The following KIF16B variants were observed in gnomAD, a reference collection of about 807,000 sequenced individuals.
KIF16B encodes kinesin-like protein KIF16B.
In KIF16B, 98 loss-of-function variants were observed where a neutral mutation model predicts 156.3. The observed-to-expected ratio is 0.63, with a 90% CI of 0.53 to 0.74. KIF16B has a LOEUF of 0.74. KIF16B is among the 30% of genes least tolerant of loss of function. The pLI is 0.00. For missense variants in KIF16B, 1,421 were observed against 1,606.5 expected (o/e 0.88, Z 1.97); for synonymous variants, 564 against 583.7 (o/e 0.97, Z 0.49).
intron 1 of KIF16B, among the ~76,000 whole-genome samples, chr20:16,539,042 T>C (rs962482597): frequency 6.6e-6 from 1 of 151,950 alleles, no homozygotes; most frequent in Non-Finnish European, 1.5e-5. Flanking sequence ...TAGCCATCAG[T>C]GCAAATGATG....
At chr20:16,457,390 T>C (rs1314683444) in intron 12 of KIF16B, among the ~76,000 whole-genome samples, 1 of 152,202 alleles carries the variant, frequency 6.6e-6, no homozygotes, top group Non-Finnish European at 1.5e-5. Context: ...ACCATACTCA[T>C]TGCTGTTTAA....
Position 16,371,779 on chromosome 20 carries a change from T to C in KIF16B, c.3351-18A>G, listed in dbSNP as rs747644686. 1 of 1,558,714 alleles carries C rather than the reference T, an allele frequency of 6.4e-7. No homozygotes were observed. Among genetic ancestry groups the C allele is most frequent in the Admixed American group, 1.7e-5 (1 of 59,928 alleles). ...CATTGATCCTGTAACACAATGGAGA[T>C]GGAGTAGATCTGACACTTCTAACCA... On this transcript the variant is annotated intron_variant, in intron 20 of 25. Transcript: ENST00000354981.
At chr20:16,424,206 T>C (rs2066296787) in intron 15 of KIF16B, among the ~76,000 whole-genome samples, 1 of 152,096 alleles carries the variant, frequency 6.6e-6, no homozygotes, top group Non-Finnish European at 1.5e-5. Flanking sequence ...AGCTCCAGGG[T>C]ACTCAGATAT....
intron 23 of KIF16B, among the ~76,000 whole-genome samples, chr20:16,342,435 CA>C (rs1375838698): frequency 4.6e-5 from 7 of 152,230 alleles, no homozygotes; most frequent in African/African-American, 1.7e-4. Flanking sequence ...TTTTACTTTT[CA>C]AATTAGGTAA....
intron 22 of KIF16B, among the ~76,000 whole-genome samples, chr20:16,369,535 C>T (rs756808324): frequency 3.3e-5 from 5 of 152,156 alleles, no homozygotes; most frequent in East Asian, 1.9e-4. Flanking sequence ...ACAGTACCCA[C>T]GTCTTGATCT....
intron 23 of KIF16B, among the ~76,000 whole-genome samples, chr20:16,352,753 G>A (rs1170266378): frequency 1.3e-5 from 2 of 152,216 alleles, no homozygotes; most frequent in Non-Finnish European, 2.9e-5. Flanking sequence ...GAGGGCGAGG[G>A]GAAGATGACA....
intron 12 of KIF16B, among the ~76,000 whole-genome samples, chr20:16,468,438 T>G (rs2067557931): frequency 6.6e-6 from 1 of 151,406 alleles, no homozygotes; most frequent in South Asian, 2.1e-4. Flanking sequence ...TAGCCGGGCA[T>G]GGTGGTGGGT....
chr20:16,465,424 G>A (rs1471976689), intron 12 of KIF16B, among the ~76,000 whole-genome samples: 2 of 152,190 alleles, frequency 1.3e-5, no homozygotes, highest in Admixed American at 1.3e-4. Context: ...CGACAATGAA[G>A]CATCTCACAC....
chr20:16,278,288 A>C (rs955764915), intron 25 of KIF16B, among the ~76,000 whole-genome samples: 1 of 152,150 alleles, frequency 6.6e-6, no homozygotes, highest in Non-Finnish European at 1.5e-5. Context: ...AGGAAACCAA[A>C]CCAGCACAAC....
At chr20:16,373,328 C>G (rs773169433) in intron 20 of KIF16B, among the ~76,000 whole-genome samples, 1 of 152,212 alleles carries the variant, frequency 6.6e-6, no homozygotes, top group African/African-American at 2.4e-5. Flanking sequence ...ATTCTGAGTA[C>G]ATTTTGATAT....
intron 1 of KIF16B, among the ~76,000 whole-genome samples, chr20:16,536,310 T>C (rs560794913): frequency 6.6e-6 from 1 of 150,392 alleles, no homozygotes; most frequent in South Asian, 2.1e-4. Flanking sequence ...AGATAGAGAG[T>C]AGAATGATAG....
In KIF16B at chr20:16,511,470, T is replaced by C; in HGVS notation, c.504A>G (p.Lys168=). ...GCTCACGGACTCTCAAATTGAAGGT[T>C]TTAGATGACTTCCGCCGAAGTAGAT... ...VRDLLRRKSS[K]TFNLRVREHP... is the part of the protein sequence containing the mutation. The change falls in exon 6 of 26, where the codon AAA becomes AAG. Residue 168 remains lysine (K), a synonymous_variant. Coordinates refer to ENST00000354981, the MANE Select transcript of KIF16B (RefSeq NM_024704.5). 1 of 1,613,014 alleles carries C rather than the reference T, an allele frequency of 6.2e-7. No individual in the cohort carries two copies. The highest frequency in any genetic ancestry group is 8.5e-7 in the Non-Finnish European group (1 of 1,179,342).
intron 24 of KIF16B, among the ~76,000 whole-genome samples, chr20:16,315,633 C>T (rs2063686709): frequency 6.6e-6 from 1 of 152,162 alleles, no homozygotes; most frequent in African/African-American, 2.4e-5. Context: ...AGGACCTGCA[C>T]CCTTGCCCAG....
intron 25 of KIF16B, among the ~76,000 whole-genome samples, chr20:16,287,594 A>G (rs2063243173): frequency 6.6e-6 from 1 of 152,254 alleles, no homozygotes; most frequent in African/African-American, 2.4e-5. Context: ...TCTGGTTCAC[A>G]TATTCTAATA....
At position 16,570,882 on chromosome 20, in the gene KIF16B, C is replaced by T. The variant is rs972354357; in HGVS notation, c.47+2347G>A. On this transcript the variant is annotated intron_variant, in intron 1 of 25. Coordinates refer to ENST00000354981, the MANE Select transcript of KIF16B (RefSeq NM_024704.5). ...AATGTCCAATCCCTGGCTCCCTTTTCTTCTCACGTAACATCCTTAAATTGT... is the reference window on the plus strand; with the variant it reads ...AATGTCCAATCCCTGGCTCCCTTTTTTTCTCACGTAACATCCTTAAATTGT... Among the ~76,000 whole-genome samples the T allele has an allele frequency of 5.9e-5, 9 of 152,324 alleles. No homozygotes were observed. In the East Asian group the frequency reaches 1.5e-3, roughly 26 times the overall value.
intron 25 of KIF16B, among the ~76,000 whole-genome samples, chr20:16,278,110 G>A (rs1476670934): frequency 6.7e-6 from 1 of 149,030 alleles, no homozygotes; most frequent in African/African-American, 2.5e-5. Context: ...ATGGGATGGC[G>A]GAGCCAAAGG....
chr20:16,379,332 T>C lies in KIF16B; in HGVS notation c.2670A>G (p.Gln890=). The C allele has an allele frequency of 6.2e-7, 1 of 1,606,572 alleles. No individual in the cohort carries two copies. The highest frequency in any genetic ancestry group is 8.5e-7 in the Non-Finnish European group (1 of 1,177,048). ...ESVTDVTEVP[Q]DFEKIKPVEY... ...CCACTGGCTTTATTTTCTCGAAATC[T>C]TGAGGCACTTCCGTGACATCTGTGA... Residue 890 remains glutamine, a synonymous_variant, in exon 19 of 26, where the codon CAA becomes CAG. Transcript: ENST00000354981.
chr20:16,551,646 G>A (rs184091025), intron 1 of KIF16B, among the ~76,000 whole-genome samples: 15 of 152,280 alleles, frequency 9.9e-5, no homozygotes, highest in Middle Eastern at 3.4e-3. Flanking sequence ...CCTTGAAATC[G>A]AATACACTAC....
chr20:16,570,587 C>A (rs531011657), intron 1 of KIF16B, among the ~76,000 whole-genome samples: 1 of 152,206 alleles, frequency 6.6e-6, no homozygotes, highest in Non-Finnish European at 1.5e-5. Context: ...TATTCAGTTG[C>A]CAATTTATAT....
Sources: gnomAD v4.1 joint callset for allele counts (sites outside exome capture counted in the v4.1 genomes callset) on GRCh38, gnomAD v4.1.1 for gene constraint, MANE v1.5 for transcripts, NCBI Gene and HGNC (gene_info 2026-07-23, HGNC 2026-07-21) for gene names.